The following RAB10 variants were observed in gnomAD, a reference collection of about 807,000 sequenced individuals.
RAB10 encodes ras-related protein Rab-10.
A neutral mutation model predicts 25.7 loss-of-function variants in RAB10; 5 were observed. The observed-to-expected ratio is 0.19, with a 90% CI of 0.10 to 0.41. RAB10 has a LOEUF of 0.41. Among genes scored for constraint, RAB10 ranks in the 10% least tolerant of loss-of-function variants. The pLI, the probability that RAB10 is intolerant of heterozygous loss-of-function variation, is 1.00. For synonymous variants in RAB10, 89 were observed against 86.4 expected (o/e 1.03, Z -0.16); for missense variants, 103 against 245.8 (o/e 0.42, Z 3.89).
At chr2:26,078,864 GAAGAATAA>G (rs558524697) in intron 1 of RAB10, among the ~76,000 whole-genome samples, 10 of 152,218 alleles carry the variant, frequency 6.6e-5, no homozygotes, top group Admixed American at 3.3e-4. Context: ...TCACACTGAG[GAAGAATAA>G]AAGAATAAAA....
chr2:26,082,195 G>A (rs1666883694), intron 1 of RAB10, among the ~76,000 whole-genome samples: 1 of 152,066 alleles, frequency 6.6e-6, no homozygotes, highest in South Asian at 2.1e-4. Context: ...ATGATGGGAA[G>A]GGGAAAAAAT....
At chr2:26,062,844 G>T (rs1666434487) in intron 1 of RAB10, among the ~76,000 whole-genome samples, 1 of 152,122 alleles carries the variant, frequency 6.6e-6, no homozygotes, top group Non-Finnish European at 1.5e-5. Context: ...GCCAGGTGTG[G>T]TGGCTCATGC....
rs114701911 is a variant in RAB10 at position 26,038,541 on chromosome 2, A to G, written c.127+3806A>G. On this transcript the variant is annotated intron_variant, in intron 1 of 5. Transcript: ENST00000264710. ...CTTTCAGGTAAAAATGTTTTCACAT[A>G]TAAGATGTTGAATAGTGTAAGTTGA... Among the ~76,000 whole-genome samples the G allele has an allele frequency of 5.1e-3, 775 of 152,252 alleles. 6 individuals are homozygous for G. The highest frequency in any genetic ancestry group is 0.017 in the African/African-American group (727 of 41,556).
rs538290383 is a variant in RAB10 at position 26,106,406 on chromosome 2, C to T, written c.189-3362C>T. On this transcript the variant is annotated intron_variant, in intron 2 of 5. Transcript: ENST00000264710. ...GGCCTAGACACATAGGAGATTGCAA[C>T]AGAATAAAGAACCCAGACACAGATT... Among the ~76,000 whole-genome samples the T allele has an allele frequency of 3.9e-5, 6 of 152,258 alleles. No homozygotes were observed. In the South Asian group the frequency reaches 1.2e-3, roughly 32 times the overall value.
At chr2:26,111,534 G>A (rs574393875) in intron 3 of RAB10, among the ~76,000 whole-genome samples, 1 of 151,746 alleles carries the variant, frequency 6.6e-6, no homozygotes, top group Non-Finnish European at 1.5e-5. Flanking sequence ...AACCCAGGGG[G>A]TGGAGGTTGC....
chr2:26,038,086 A>G (rs895470254), intron 1 of RAB10, among the ~76,000 whole-genome samples: 8 of 151,170 alleles, frequency 5.3e-5, no homozygotes, highest in African/African-American at 1.9e-4. Context: ...GGGTTTCACC[A>G]TGTTGGCCAG....
chr2:26,098,188 A>AAG (rs1263879444), intron 1 of RAB10, among the ~76,000 whole-genome samples: 1 of 135,754 alleles, frequency 7.4e-6, no homozygotes, highest in African/African-American at 2.8e-5. Context: ...GGCACAATTA[A>AAG]AGGCTCACTG....
intron 2 of RAB10, among the ~76,000 whole-genome samples, chr2:26,102,700 A>G (rs1667368761): frequency 6.6e-6 from 1 of 152,120 alleles, no homozygotes; most frequent in Non-Finnish European, 1.5e-5. Flanking sequence ...GGCCTCCCAA[A>G]GTGCTAGGAT....
intron 1 of RAB10, among the ~76,000 whole-genome samples, chr2:26,084,566 A>G (rs1176098346): frequency 6.6e-6 from 1 of 152,212 alleles, no homozygotes; most frequent in Admixed American, 6.5e-5. Flanking sequence ...TACCAAGTAC[A>G]TTATTATTAC....
chr2:26,052,996 C>T (rs1666168704), intron 1 of RAB10, among the ~76,000 whole-genome samples: 1 of 152,136 alleles, frequency 6.6e-6, no homozygotes, highest in African/African-American at 2.4e-5. Flanking sequence ...AGCTTGTTTT[C>T]ATCTACTGTG....
In RAB10 at chr2:26,135,193, C is replaced by A; in HGVS notation, c.*172C>A. 5.8e-6 allele frequency: 3 copies of A among 518,358 alleles called. No homozygotes were observed. The allele number at this position is 518,358 out of a possible 1,614,324, so 32.1% of individuals were successfully genotyped here. ...ATCTGTGACTGCTTGCTGACTTTAT[C>A]ATAATTTTCTTCAAACAAAAAAATG... is the stretch of plus-strand genomic sequence containing the variant. On this transcript the variant is annotated 3_prime_UTR_variant, in exon 6 of 6. Coordinates refer to ENST00000264710, the MANE Select transcript of RAB10 (RefSeq NM_016131.5).
chr2:26,126,792 TAG>T (rs1442368557), intron 3 of RAB10, among the ~76,000 whole-genome samples: 1 of 152,190 alleles, frequency 6.6e-6, no homozygotes, highest in East Asian at 1.9e-4. Context: ...AAGGCTTCTA[TAG>T]GGTAGTATGC....
chr2:26,049,651 C>T (rs557873968), intron 1 of RAB10, among the ~76,000 whole-genome samples: 1 of 152,184 alleles, frequency 6.6e-6, no homozygotes, highest in African/African-American at 2.4e-5. Context: ...TCAGGTGATC[C>T]TCTTGCCTCA....
intron 2 of RAB10, among the ~76,000 whole-genome samples, chr2:26,099,601 C>T (rs1314128843): frequency 8.1e-6 from 1 of 123,844 alleles, no homozygotes; most frequent in Admixed American, 1.1e-4. Flanking sequence ...AGAGCAGTGG[C>T]GCTATTTCGG....
rs544591118 is a variant in RAB10 at position 26,043,948 on chromosome 2, A to T, written c.127+9213A>T. Among the ~76,000 whole-genome samples, 6 of 152,336 alleles carry T rather than the reference A, an allele frequency of 3.9e-5. No homozygotes were observed. In the East Asian group the frequency reaches 1.2e-3, roughly 29 times the overall value. On this transcript the variant is annotated intron_variant, in intron 1 of 5. Coordinates refer to ENST00000264710, the MANE Select transcript of RAB10 (RefSeq NM_016131.5). Reference sequence around the variant, plus strand: ...TGAATATGAGGCTATCTAAAGTCAAATTCATAGAAACAGAAATAATGGTGA... The same window carrying T: ...TGAATATGAGGCTATCTAAAGTCAATTTCATAGAAACAGAAATAATGGTGA...
chr2:26,108,730 G>A (rs981629675), intron 2 of RAB10, among the ~76,000 whole-genome samples: 11 of 152,016 alleles, frequency 7.2e-5, no homozygotes, highest in Admixed American at 2.0e-4. Flanking sequence ...GAAAAGCTGG[G>A]TGAAAGGTAC....
intron 2 of RAB10, among the ~76,000 whole-genome samples, chr2:26,102,908 A>G (rs1185910254): frequency 6.6e-6 from 1 of 152,222 alleles, no homozygotes; most frequent in Non-Finnish European, 1.5e-5. Context: ...TCTTAATACC[A>G]TAGAGCATCT....
At chr2:26,076,603 A>G (rs192784603) in intron 1 of RAB10, among the ~76,000 whole-genome samples, 17 of 152,316 alleles carry the variant, frequency 1.1e-4, no homozygotes, top group Admixed American at 1.1e-3. Context: ...CGCAGAATCT[A>G]CTTACTCAGT....
intron 1 of RAB10, among the ~76,000 whole-genome samples, chr2:26,059,208 G>A (rs1666345717): frequency 6.6e-6 from 1 of 152,140 alleles, no homozygotes; most frequent in African/African-American, 2.4e-5. Context: ...TCATTACAGT[G>A]GACTCTTTAT....
Sources: allele counts gnomAD v4.1 joint callset (sites outside exome capture counted in the v4.1 genomes callset), GRCh38; gene constraint gnomAD v4.1.1; transcripts MANE v1.5; gene names NCBI Gene and HGNC (gene_info 2026-07-23, HGNC 2026-07-21).